CDKN1A: variants seen among roughly 807,000 people sequenced by gnomAD.
CDKN1A encodes the protein cyclin dependent kinase inhibitor 1A.
In CDKN1A, 14 loss-of-function variants were observed where a neutral mutation model predicts 14.8. The ratio of observed to expected loss-of-function variants is 0.94; its 90% CI spans 0.62 to 1.48. The LOEUF (loss-of-function observed/expected upper bound fraction) is 1.48, where lower values mean the gene tolerates loss of function less well. Ranked by LOEUF, CDKN1A falls within the 40% of genes most tolerant of loss-of-function variation. The probability of loss-of-function intolerance (pLI) is 0.00; values close to 1 mark genes in which losing one functional copy is unlikely to be tolerated. For synonymous variants in CDKN1A, 92 were observed against 93.5 expected (o/e 0.98, Z 0.09); for missense variants, 203 against 231.7 (o/e 0.88, Z 0.80).
upstream of CDKN1A, among the ~76,000 whole-genome samples, chr6:36,677,152 G>C (rs1761720859): frequency 6.6e-6 from 1 of 152,180 alleles, no homozygotes; most frequent in Non-Finnish European, 1.5e-5. Flanking sequence ...GTGGGGCTTA[G>C]AGTGGGGTCC....
intron 1 of CDKN1A, among the ~76,000 whole-genome samples, chr6:36,682,212 A>G (rs745627459): frequency 2.0e-5 from 3 of 152,216 alleles, no homozygotes; most frequent in Non-Finnish European, 4.4e-5. Flanking sequence ...AACTTATCTG[A>G]GCCTTGGTTG....
intron 1 of CDKN1A, among the ~76,000 whole-genome samples, chr6:36,679,234 G>C (rs751873718): frequency 6.6e-6 from 1 of 152,228 alleles, no homozygotes; most frequent in Non-Finnish European, 1.5e-5. Context: ...GGAAGGGCGA[G>C]GAAAGCGGAG....
At position 36,684,060 on chromosome 6, in the gene CDKN1A, C is replaced by T. The variant is rs751765475; in HGVS notation, c.-5-37C>T. The T allele has an allele frequency of 2.5e-5, 40 of 1,599,926 alleles. No homozygotes were observed. The East Asian group carries it at 2.9e-4, about 12-fold the overall frequency. On this transcript the variant is annotated intron_variant, in intron 1 of 2. Coordinates refer to ENST00000244741, the MANE Select transcript of CDKN1A (RefSeq NM_000389.5). This position sits in a 1 kb window ranked among gnomAD's most constrained non-coding sequence, Gnocchi z 6.0. ...GCCAGGTAACATAGTGTCTAATCTC[C>T]GCCGTGACCAGGGCCTTCCTTGTAT...
intron 1 of CDKN1A, among the ~76,000 whole-genome samples, chr6:36,679,854 G>A (rs1042290179): frequency 1.1e-4 from 15 of 141,562 alleles, no homozygotes; most frequent in African/African-American, 4.0e-4. Context: ...GAGGGTTCAT[G>A]TCTTTGAGGG....
At chr6:36,677,734 C>A, upstream of CDKN1A, 2 of 528,628 alleles carry the variant, frequency 3.8e-6, no homozygotes, top group Non-Finnish European at 3.4e-6. Context: ...GGGCAGGAGG[C>A]AAAAGTCCTG....
rs976121091 is a variant in CDKN1A at position 36,686,229 on chromosome 6, C to T, written c.*429C>T. On this transcript the variant is annotated 3_prime_UTR_variant, in exon 3 of 3. Coordinates refer to ENST00000244741, the MANE Select transcript of CDKN1A (RefSeq NM_000389.5). This position sits in a 1 kb window ranked among gnomAD's most constrained non-coding sequence, Gnocchi z 4.9. ...AAATTCACCCCCTTTCCTGGACACT[C>T]AGACCTGAATTCTTTTTCATTTGAG... 2 of 341,000 alleles carry T rather than the reference C, an allele frequency of 5.9e-6. No homozygotes were observed. The highest frequency in any genetic ancestry group is 1.1e-5 in the Non-Finnish European group (2 of 183,194). 21.1% of individuals were successfully genotyped at this position (341,000 alleles called of 1,614,324 possible). A position where few individuals can be genotyped will look rare whatever the true frequency, so the allele number is the denominator to read the frequency against.
upstream of CDKN1A, chr6:36,678,211 G>C (rs4151702): frequency 0.23 from 64,513 of 277,810 alleles, 7,018 homozygotes; most frequent in South Asian, 0.32. This position sits in a 1 kb window ranked among gnomAD's most constrained non-coding sequence, Gnocchi z 5.7. Context: ...AGTGGGAATA[G>C]AGGTGATATT....
rs538520711 is a variant in CDKN1A at position 36,678,783 on chromosome 6, G to A, written c.-21G>A. On this transcript the variant is annotated 5_prime_UTR_variant, in exon 1 of 3. Coordinates refer to ENST00000244741, the MANE Select transcript of CDKN1A (RefSeq NM_000389.5). The surrounding 1 kb of genome is among the most constrained non-coding windows in gnomAD (Gnocchi z 5.7). ...CTGGGCGCGGATTCGCCGAGGCACC[G>A]AGGCACTCAGAGGAGGTGAGAGAGC... 1.5e-5 allele frequency: 15 copies of A among 985,744 alleles called. No homozygotes were observed. The highest frequency in any genetic ancestry group is 1.1e-4 in the East Asian group (1 of 8,820). 61.1% of individuals were successfully genotyped at this position (985,744 alleles called of 1,614,324 possible).
chr6:36,681,100 A>C (rs903966553), intron 1 of CDKN1A, among the ~76,000 whole-genome samples: 1 of 152,098 alleles, frequency 6.6e-6, no homozygotes, highest in Non-Finnish European at 1.5e-5. Flanking sequence ...GAGACCCAGA[A>C]TGTCCATTTC....
At chr6:36,680,136 C>T (rs1468502480) in intron 1 of CDKN1A, among the ~76,000 whole-genome samples, 2 of 152,176 alleles carry the variant, frequency 1.3e-5, no homozygotes. Context: ...AGCTTCCCCT[C>T]TCCTTGCCTC....
chr6:36,685,371 C>T (rs1035405479), intron 2 of CDKN1A, among the ~76,000 whole-genome samples: 3 of 152,294 alleles, frequency 2.0e-5, no homozygotes, highest in Admixed American at 6.5e-5. Flanking sequence ...ACAGGGGCCA[C>T]GAGCCACATA....
At chr6:36,685,671 C>T (rs1388579171) in intron 2 of CDKN1A, 80 bp from the exon 3 acceptor site, 2 of 1,445,958 alleles carry the variant, frequency 1.4e-6, no homozygotes, top group Non-Finnish European at 1.9e-6. Flanking sequence ...TGTCCTGGCC[C>T]CCCACTGTCT....
Position 36,684,642 on chromosome 6 carries a change from C to A in CDKN1A, c.445+96C>A. 2 of 1,266,202 alleles carry A rather than the reference C, an allele frequency of 1.6e-6. No homozygotes were observed. Among genetic ancestry groups the A allele is most frequent in the East Asian group, 2.4e-5 (1 of 41,290 alleles). 78.4% of individuals were successfully genotyped at this position (1,266,202 alleles called of 1,614,324 possible). The stretch of plus-strand genomic sequence containing the variant: ...CTGTCTGGTCCTGGTCCAGCATGCT[C>A]CAGGTAGAAGGAAACAGGCCCAGAG... On this transcript the variant is annotated intron_variant, in intron 2 of 2. Coordinates refer to ENST00000244741, the MANE Select transcript of CDKN1A (RefSeq NM_000389.5). The surrounding 1 kb of genome is among the most constrained non-coding windows in gnomAD (Gnocchi z 6.0).
At chr6:36,679,206 T>C (rs1419521900) in intron 1 of CDKN1A, among the ~76,000 whole-genome samples, 4 of 152,208 alleles carry the variant, frequency 2.6e-5, no homozygotes, top group Non-Finnish European at 5.9e-5. Flanking sequence ...ATGAAGTCCG[T>C]GTCCCTGGAG....
At position 36,685,875 on chromosome 6, in the gene CDKN1A, TCA is replaced by T; in HGVS notation, c.*76_*77del. 1 of 1,310,410 alleles carries T rather than the reference TCA, an allele frequency of 7.6e-7. No individual in the cohort carries two copies. The highest frequency in any genetic ancestry group is 1.1e-6 in the Non-Finnish European group (1 of 905,554). 81.2% of individuals were successfully genotyped at this position (1,310,410 alleles called of 1,614,324 possible). A position where few individuals can be genotyped will look rare whatever the true frequency, so the allele number is the denominator to read the frequency against. The stretch of plus-strand genomic sequence containing the variant: ...CCGCTCTACATCTTCTGCCTTAGTC[TCA>T]GTTTGTGTGTCTTAATTATTATTTG... On this transcript the variant is annotated 3_prime_UTR_variant, in exon 3 of 3. Coordinates refer to ENST00000244741, the MANE Select transcript of CDKN1A (RefSeq NM_000389.5).
In CDKN1A at chr6:36,684,610, G is replaced by C. The variant is rs1168256014; in HGVS notation, c.445+64G>C. 4.0e-6 allele frequency: 6 copies of C among 1,495,372 alleles called. No homozygotes were observed. The highest frequency in any genetic ancestry group is 5.6e-6 in the Non-Finnish European group (6 of 1,078,240). The allele number at this position is 1,495,372 out of a possible 1,614,324, so 92.6% of individuals were successfully genotyped here. ...GGATTCTCAGAATCCATGGTCCAAG[G>C]GCTGACCTGTCTGGTCCTGGTCCAG... On this transcript the variant is annotated intron_variant, in intron 2 of 2. Transcript: ENST00000244741. This position sits in a 1 kb window ranked among gnomAD's most constrained non-coding sequence, Gnocchi z 6.0.
chr6:36,679,244 G>A (rs879032629), intron 1 of CDKN1A, among the ~76,000 whole-genome samples: 15 of 152,230 alleles, frequency 9.9e-5, no homozygotes, highest in Admixed American at 3.3e-4. Flanking sequence ...GGAAAGCGGA[G>A]TGGAGTAAGT....
In CDKN1A at chr6:36,686,325, A is replaced by C. The variant is rs1469781325; in HGVS notation, c.*525A>C. On this transcript the variant is annotated 3_prime_UTR_variant, in exon 3 of 3. Coordinates refer to ENST00000244741, the MANE Select transcript of CDKN1A (RefSeq NM_000389.5). The surrounding 1 kb of genome is among the most constrained non-coding windows in gnomAD (Gnocchi z 4.9). The stretch of plus-strand genomic sequence containing the variant: ...TCATCAAAAACTTTGGAGTCCCCTC[A>C]CCTCCTCTAAGGTTGGGCAGGGTGA... 1 of 286,104 alleles carries C rather than the reference A, an allele frequency of 3.5e-6. No individual in the cohort carries two copies. The highest frequency in any genetic ancestry group is 6.6e-6 in the Non-Finnish European group (1 of 150,414). The allele number at this position is 286,104 out of a possible 1,614,324, so 17.7% of individuals were successfully genotyped here. A position where few individuals can be genotyped will look rare whatever the true frequency, so the allele number is the denominator to read the frequency against.
chr6:36,683,265 C>T (rs971587875), intron 1 of CDKN1A, among the ~76,000 whole-genome samples: 1 of 152,204 alleles, frequency 6.6e-6, no homozygotes, highest in Non-Finnish European at 1.5e-5. Flanking sequence ...AGAGCTCAGA[C>T]AAGTTAAGTT....
Sources: allele counts gnomAD v4.1 joint callset (sites outside exome capture counted in the v4.1 genomes callset), GRCh38; gene constraint gnomAD v4.1.1; non-coding constraint Gnocchi (gnomAD v3.1); transcripts MANE v1.5; gene names NCBI Gene and HGNC (gene_info 2026-07-23, HGNC 2026-07-21).